Variants in PTPN4 observed in about 807,000 individuals in gnomAD.
PTPN4 encodes tyrosine-protein phosphatase non-receptor type 4.
PTPN4 carries 49 observed loss-of-function variants against 135.5 expected under a neutral mutation model. That is an observed-to-expected ratio of 0.36 (90% CI 0.29 to 0.46). PTPN4 has a LOEUF of 0.46. Among genes scored for constraint, PTPN4 ranks in the 20% least tolerant of loss-of-function variants. The probability of loss-of-function intolerance (pLI) is 1.00; values close to 1 mark genes in which losing one functional copy is unlikely to be tolerated. For missense variants in PTPN4, 860 were observed against 1,101.0 expected (o/e 0.78, Z 3.10); for synonymous variants, 333 against 369.9 (o/e 0.90, Z 1.14).
At chr2:119,823,523 G>A (rs908054114) in intron 2 of PTPN4, among the ~76,000 whole-genome samples, 6 of 152,242 alleles carry the variant, frequency 3.9e-5, no homozygotes, top group South Asian at 2.1e-4. Flanking sequence ...GTGAGCCACC[G>A]TGCCCAGCCC....
intron 9 of PTPN4, 58 bp from the exon 10 acceptor site, chr2:119,900,660 A>G (rs1678388438): frequency 1.9e-6 from 2 of 1,063,624 alleles, no homozygotes; most frequent in East Asian, 2.6e-5. Flanking sequence ...TTTAAAATAT[A>G]TCTCTAACAA....
At chr2:119,920,328 C>T (rs1678718068) in intron 12 of PTPN4, 87 bp downstream of exon 12, 1 of 1,393,054 alleles carries the variant, frequency 7.2e-7, no homozygotes. Context: ...AACCATACAA[C>T]CTTTGTTACA....
In PTPN4 at chr2:119,983,352, C is replaced by G. The variant is rs1207415126; in HGVS notation, c.*6282C>G. ...CACAAATTGGCAGTTGGGTACTTCCCCACTGTCATCACAGTTGAGCTCATT... is the reference window on the plus strand; with the variant it reads ...CACAAATTGGCAGTTGGGTACTTCCGCACTGTCATCACAGTTGAGCTCATT... On this transcript the variant is annotated 3_prime_UTR_variant, in exon 27 of 27. Transcript: ENST00000263708. 1.3e-5 allele frequency: 2 copies of G among 152,188 alleles called. No individual in the cohort carries two copies. Among genetic ancestry groups the G allele is most frequent in the Non-Finnish European group, 2.9e-5 (2 of 68,046 alleles). The allele number at this position is 152,188 out of a possible 1,614,324, so 9.4% of individuals were successfully genotyped here.
intron 2 of PTPN4, among the ~76,000 whole-genome samples, chr2:119,820,565 C>T (rs1677050869): frequency 6.6e-6 from 1 of 152,156 alleles, no homozygotes; most frequent in African/African-American, 2.4e-5. Context: ...TGCCCAGATG[C>T]TGGTGTTGGT....
intron 15 of PTPN4, among the ~76,000 whole-genome samples, chr2:119,942,450 AAGGTTTCCCTGACT>A (rs1238315850): frequency 6.6e-6 from 1 of 152,168 alleles, no homozygotes; most frequent in Non-Finnish European, 1.5e-5. Flanking sequence ...AAGAATAAGG[AAGGTTTCCCTGACT>A]CCATTTTCAT....
At chr2:119,858,780 G>A (rs1391207907) in intron 2 of PTPN4, among the ~76,000 whole-genome samples, 3 of 151,868 alleles carry the variant, frequency 2.0e-5, no homozygotes, top group South Asian at 2.1e-4. Context: ...CTACAGGCAC[G>A]TGCCACCATG....
At chr2:119,761,311 T>C (rs1344022302) in intron 1 of PTPN4, among the ~76,000 whole-genome samples, 1 of 152,172 alleles carries the variant, frequency 6.6e-6, no homozygotes, top group African/African-American at 2.4e-5. Flanking sequence ...CATTTTTAAA[T>C]CTTGGTTTTC....
At chr2:119,968,882 G>A (rs1471608454) in intron 26 of PTPN4, among the ~76,000 whole-genome samples, 3 of 152,152 alleles carry the variant, frequency 2.0e-5, no homozygotes, top group Non-Finnish European at 2.9e-5. Context: ...TTATGCTTCA[G>A]GAGCCAAAAG....
chr2:119,912,661 C>T (rs1678591245), intron 10 of PTPN4, among the ~76,000 whole-genome samples: 1 of 152,064 alleles, frequency 6.6e-6, no homozygotes, highest in Non-Finnish European at 1.5e-5. Context: ...ATTATCGAAA[C>T]TGTAAATATG....
chr2:119,844,433 G>A (rs571545447), intron 2 of PTPN4, among the ~76,000 whole-genome samples: 2,851 of 140,184 alleles, frequency 0.02, 45 homozygotes, highest in Non-Finnish European at 0.029. Context: ...GCTGCTGGGC[G>A]GAGAGGCTCC....
chr2:119,974,598 A>T (rs979839768), intron 26 of PTPN4, among the ~76,000 whole-genome samples: 9 of 152,088 alleles, frequency 5.9e-5, no homozygotes, highest in African/African-American at 1.9e-4. Context: ...TTTTGTCAAG[A>T]CCCTGGTAAC....
intron 11 of PTPN4, 162 bp downstream of exon 11, chr2:119,915,404 G>C (rs1281136285): frequency 2.1e-6 from 1 of 481,668 alleles, no homozygotes; most frequent in Non-Finnish European, 3.5e-6. Flanking sequence ...AAATGTACTT[G>C]TTTTTCCAGT....
At chr2:119,913,242 C>A (rs2105023857) in intron 10 of PTPN4, among the ~76,000 whole-genome samples, 1 of 152,064 alleles carries the variant, frequency 6.6e-6, no homozygotes, top group Non-Finnish European at 1.5e-5. Flanking sequence ...AGTGGAATAC[C>A]TGGGTTTGCT....
rs544363326 is a variant in PTPN4 at position 119,983,982 on chromosome 2, G to A, written c.*6912G>A. Reference sequence around the variant, plus strand: ...GTAAGTTTAAGGGAATAAAAGTCCCGACACTTTATATACATGTTGAGGGGC... The same window carrying A: ...GTAAGTTTAAGGGAATAAAAGTCCCAACACTTTATATACATGTTGAGGGGC... On this transcript the variant is annotated 3_prime_UTR_variant, in exon 27 of 27. Coordinates refer to ENST00000263708, the MANE Select transcript of PTPN4 (RefSeq NM_002830.4). Among the ~76,000 whole-genome samples the A allele has an allele frequency of 6.6e-5, 10 of 152,194 alleles. No individual in the cohort carries two copies. Among genetic ancestry groups the A allele is most frequent in the African/African-American group, 2.2e-4 (9 of 41,536 alleles).
intron 1 of PTPN4, 43 bp from the exon 2 acceptor site, chr2:119,809,794 T>G (rs1340952419): frequency 2.7e-6 from 4 of 1,500,828 alleles, no homozygotes; most frequent in Non-Finnish European, 2.7e-6. Flanking sequence ...AGCTTATATT[T>G]TACGAACCTT....
intron 22 of PTPN4, among the ~76,000 whole-genome samples, chr2:119,957,829 T>G (rs1329797076): frequency 6.6e-6 from 1 of 152,132 alleles, no homozygotes; most frequent in East Asian, 1.9e-4. Context: ...CTATAAATAC[T>G]TTACCTCTAC....
At chr2:119,885,718 A>G (rs1678145845) in intron 8 of PTPN4, 77 bp from the exon 9 acceptor site, 4 of 1,052,576 alleles carry the variant, frequency 3.8e-6, no homozygotes, top group East Asian at 5.1e-5. Flanking sequence ...TTTCAGATAA[A>G]TAGCCTTTTT....
chr2:119,934,821 G>C lies in PTPN4; in HGVS notation c.1218G>C (p.Gln406His). 2 of 1,613,880 alleles carry C rather than the reference G, an allele frequency of 1.2e-6. No individual in the cohort carries two copies. Among genetic ancestry groups the C allele is most frequent in the Non-Finnish European group, 1.7e-6 (2 of 1,179,892 alleles). ...TTAGTCGAAATTCTACATTCACGCA[G>C]GAAGGAACCCGGTTACGACCATCTT... Reference protein sequence around the residue: ...TPNHRNSTFTQEGTRLRPSSV... With the variant: ...TPNHRNSTFTHEGTRLRPSSV... The change falls in exon 15 of 27, where the codon CAG becomes CAC. Residue 406 changes from glutamine (Q) to histidine (H), a missense_variant. Transcript: ENST00000263708.
At chr2:119,766,480 G>GTC (rs1394639262) in intron 1 of PTPN4, among the ~76,000 whole-genome samples, 26 of 122,960 alleles carry the variant, frequency 2.1e-4, no homozygotes, top group African/African-American at 9.1e-4. Context: ...GTGTGTGTGT[G>GTC]TGTCTGTGTG....
Sources: gnomAD v4.1 joint callset for allele counts (sites outside exome capture counted in the v4.1 genomes callset) on GRCh38, gnomAD v4.1.1 for gene constraint, MANE v1.5 for transcripts, NCBI Gene and HGNC (gene_info 2026-07-23, HGNC 2026-07-21) for gene names.